C4orf51: variants seen among roughly 807,000 people sequenced by gnomAD.
The protein encoded by C4orf51 is chromosome 4 open reading frame 51, also known as uncharacterized protein C4orf51.
A neutral mutation model predicts 25.2 loss-of-function variants in C4orf51; 25 were observed. That is an observed-to-expected ratio of 0.99 (90% confidence interval 0.72 to 1.39). The LOEUF (loss-of-function observed/expected upper bound fraction) is 1.39. Ranked by LOEUF, C4orf51 falls within the 40% of genes most tolerant of loss-of-function variation. The pLI, the probability that C4orf51 is intolerant of heterozygous loss-of-function variation, is 0.00. For synonymous variants in C4orf51, 100 were observed against 84.5 expected (o/e 1.18, Z -1.01); for missense variants, 252 against 239.6 (o/e 1.05, Z -0.34).
At chr4:145,755,150 A>G (rs1733869683), downstream of C4orf51, among the ~76,000 whole-genome samples, 1 of 152,196 alleles carries the variant, frequency 6.6e-6, no homozygotes, top group African/African-American at 2.4e-5. Context: ...TTGTAGAATC[A>G]TAGTTGATTA....
At chr4:145,701,983 A>G (rs1164951800) in intron 2 of C4orf51, among the ~76,000 whole-genome samples, 1 of 151,902 alleles carries the variant, frequency 6.6e-6, no homozygotes, top group East Asian at 1.9e-4. Flanking sequence ...CTTAACCCAC[A>G]AGTATAGGAC....
chr4:145,736,387 T>A (rs2126785506), downstream of C4orf51, among the ~76,000 whole-genome samples: 1 of 152,184 alleles, frequency 6.6e-6, no homozygotes, highest in Admixed American at 6.5e-5. Context: ...CCCTCAGATC[T>A]GTCACCATGC....
At chr4:145,786,621 G>C in the C4orf51 span, among the ~76,000 whole-genome samples, 1 of 152,168 alleles carries the variant, frequency 6.6e-6, no homozygotes. Flanking sequence ...AGAAAGCAGA[G>C]GGCATGGAAC....
intron 1 of C4orf51, among the ~76,000 whole-genome samples, chr4:145,749,381 C>T (rs1343204760): frequency 2.0e-5 from 3 of 152,006 alleles, no homozygotes; most frequent in African/African-American, 4.8e-5. Flanking sequence ...GTCTTTTAAT[C>T]GGAAAGCTTA....
At chr4:145,774,678 T>C (rs1201094701), downstream of C4orf51, 2 of 1,612,322 alleles carry the variant, frequency 1.2e-6, no homozygotes, top group Non-Finnish European at 1.7e-6. Context: ...GACAACTACA[T>C]GAAAGGGTAA....
At chr4:145,743,254 A>G (rs1294410578) in intron 1 of C4orf51, among the ~76,000 whole-genome samples, 1 of 152,186 alleles carries the variant, frequency 6.6e-6, no homozygotes, top group African/African-American at 2.4e-5. Context: ...ACCCGAGACT[A>G]TATCATTTAT....
At chr4:145,764,156 G>A (rs1734931414) in intron 1 of C4orf51, among the ~76,000 whole-genome samples, 1 of 152,238 alleles carries the variant, frequency 6.6e-6, no homozygotes, top group South Asian at 2.1e-4. Context: ...TCGTTTAGCT[G>A]AGAATTAGTA....
intron 1 of C4orf51, among the ~76,000 whole-genome samples, chr4:145,752,082 G>A (rs1256563845): frequency 3.9e-5 from 6 of 152,198 alleles, no homozygotes; most frequent in Non-Finnish European, 7.3e-5. Context: ...GTCCAGAAAT[G>A]CTGTCCATGA....
At chr4:145,769,140 T>C (rs1292057247) in intron 1 of C4orf51, among the ~76,000 whole-genome samples, 1 of 151,840 alleles carries the variant, frequency 6.6e-6, no homozygotes, top group Admixed American at 6.6e-5. Flanking sequence ...GGCAGACAAC[T>C]CTTACTTCAG....
intron 1 of C4orf51, among the ~76,000 whole-genome samples, chr4:145,687,573 C>T (rs1451911335): frequency 6.6e-6 from 1 of 152,142 alleles, no homozygotes; most frequent in Non-Finnish European, 1.5e-5. Flanking sequence ...CTCATTGTTG[C>T]TTAGGGGGAA....
Position 145,761,048 on chromosome 4 carries a change from T to C in C4orf51, n.167-9940T>C. ...CCGTGGGCTGCCGACAGGGCCACGG[T>C]CTGCAGAGCCTGGGAGGCAGACATA... On this transcript the variant is annotated intron_variant and non_coding_transcript_variant, in intron 1 of 1. Transcript: ENST00000510096. The surrounding 1 kb of genome is among the most constrained non-coding windows in gnomAD (Gnocchi z 6.8). 7.8e-7 allele frequency: 1 copy of C among 1,288,178 alleles called. No homozygotes were observed. The highest frequency in any genetic ancestry group is 1.2e-5 in the South Asian group (1 of 80,938). The allele number at this position is 1,288,178 out of a possible 1,614,324, so 79.8% of individuals were successfully genotyped here. A position where few individuals can be genotyped will look rare whatever the true frequency, so the allele number is the denominator to read the frequency against.
chr4:145,701,732 A>G (rs909375817), intron 2 of C4orf51, among the ~76,000 whole-genome samples: 157 of 151,982 alleles, frequency 1.0e-3, no homozygotes, highest in African/African-American at 3.5e-3. Flanking sequence ...TAACTGTTGT[A>G]GTTATTGACA....
Position 145,761,025 on chromosome 4 carries a change from G to A in C4orf51, n.167-9963G>A, listed in dbSNP as rs952032296. The A allele has an allele frequency of 6.2e-6, 8 of 1,281,662 alleles. No individual in the cohort carries two copies. The Admixed American group carries it at 9.3e-5, about 15-fold the overall frequency. The allele number at this position is 1,281,662 out of a possible 1,614,324, so 79.4% of individuals were successfully genotyped here. A position where few individuals can be genotyped will look rare whatever the true frequency, so the allele number is the denominator to read the frequency against. Reference sequence around the variant, plus strand: ...CCAGGTTGGGCTCTGAGCTGCTGCCGTGGGCTGCCGACAGGGCCACGGTCT... The same window carrying A: ...CCAGGTTGGGCTCTGAGCTGCTGCCATGGGCTGCCGACAGGGCCACGGTCT... On this transcript the variant is annotated intron_variant and non_coding_transcript_variant, in intron 1 of 1. Coordinates refer to the C4orf51 transcript ENST00000510096. The surrounding 1 kb of genome is among the most constrained non-coding windows in gnomAD (Gnocchi z 6.8).
At chr4:145,778,128 CA>C in the C4orf51 span, among the ~76,000 whole-genome samples, 1 of 151,936 alleles carries the variant, frequency 6.6e-6, no homozygotes, top group Admixed American at 6.6e-5. Context: ...CCCATTTCTA[CA>C]AAAAACTTTT....
In C4orf51 at chr4:145,703,107, A is replaced by G. The variant is rs58296015; in HGVS notation, c.307+6475A>G. On this transcript the variant is annotated intron_variant, in intron 2 of 5. Transcript: ENST00000438731. Reference sequence around the variant, plus strand: ...CCATCACATCCCCTGTGACTTGCACATATATGCCCAGATGGCCTGAAGTAA... The same window carrying G: ...CCATCACATCCCCTGTGACTTGCACGTATATGCCCAGATGGCCTGAAGTAA... Among the ~76,000 whole-genome samples, 1,437 of 150,564 alleles carry G rather than the reference A, an allele frequency of 9.5e-3. 17 individuals carry two copies. Among genetic ancestry groups the G allele is most frequent in the African/African-American group, 0.034 (1,345 of 40,016 alleles).
Position 145,764,737 on chromosome 4 carries a change from G to T in C4orf51, n.167-6251G>T, listed in dbSNP as rs11939704. 18 of 523,412 alleles carry T rather than the reference G, an allele frequency of 3.4e-5. No individual in the cohort carries two copies. In the Admixed American group the frequency reaches 6.0e-4, roughly 17 times the overall value. 32.4% of individuals were successfully genotyped at this position (523,412 alleles called of 1,614,324 possible). A position where few individuals can be genotyped will look rare whatever the true frequency, so the allele number is the denominator to read the frequency against. ...TTCTTGCATGCTGGGTTGTTTCAAC[G>T]TGTCTTTTTTCTTGCCCTGAATCCC... On this transcript the variant is annotated intron_variant and non_coding_transcript_variant, in intron 1 of 1. Coordinates refer to the C4orf51 transcript ENST00000510096.
intron 1 of C4orf51, among the ~76,000 whole-genome samples, chr4:145,749,065 G>GTATATATATT (rs1733534783): frequency 8.6e-6 from 1 of 116,112 alleles, no homozygotes; most frequent in Non-Finnish European, 1.7e-5. Flanking sequence ...GTGTGTGTGT[G>GTATATATATT]TATATATATA....
chr4:145,763,216 T>C lies in C4orf51; in HGVS notation n.167-7772T>C. 8.1e-7 allele frequency: 1 copy of C among 1,239,418 alleles called. No individual in the cohort carries two copies. The highest frequency in any genetic ancestry group is 1.1e-6 in the Non-Finnish European group (1 of 890,196). 76.8% of individuals were successfully genotyped at this position (1,239,418 alleles called of 1,614,324 possible). ...GCAGTTCCATCACAGAAAAGCAATTTAGACATCAGCAGTCTGTTTCATTTT... is the reference window on the plus strand; with the variant it reads ...GCAGTTCCATCACAGAAAAGCAATTCAGACATCAGCAGTCTGTTTCATTTT... On this transcript the variant is annotated intron_variant and non_coding_transcript_variant, in intron 1 of 1. Coordinates refer to the C4orf51 transcript ENST00000510096. This position sits in a 1 kb window ranked among gnomAD's most constrained non-coding sequence, Gnocchi z 4.6.
intron 1 of C4orf51, among the ~76,000 whole-genome samples, chr4:145,688,553 T>C (rs914618059): frequency 7.2e-5 from 11 of 152,162 alleles, no homozygotes; most frequent in African/African-American, 2.7e-4. Flanking sequence ...TTCCCCAGCA[T>C]GCTCTATCTC....
Sources: gnomAD v4.1 joint callset for allele counts (sites outside exome capture counted in the v4.1 genomes callset) on GRCh38, gnomAD v4.1.1 for gene constraint, Gnocchi (gnomAD v3.1) non-coding constraint, MANE v1.5 for transcripts, NCBI Gene and HGNC (gene_info 2026-07-23, HGNC 2026-07-21) for gene names.